The following LAMB1 variants were observed in gnomAD, a reference collection of about 807,000 sequenced individuals.
LAMB1 encodes laminin subunit beta-1.
Under a neutral mutation model 222.3 loss-of-function variants are expected in LAMB1, and 121 were observed. That is an observed-to-expected ratio of 0.54 (90% CI 0.47 to 0.63). The LOEUF (loss-of-function observed/expected upper bound fraction) is 0.63, where lower values mean the gene tolerates loss of function less well. LAMB1 is among the 30% of genes least tolerant of loss of function. The pLI is 0.00. For synonymous variants in LAMB1, 794 were observed against 807.2 expected (o/e 0.98, Z 0.28); for missense variants, 2,172 against 2,240.8 (o/e 0.97, Z 0.62).
At chr7:107,985,000 AAAG>A (rs2150445749) in intron 7 of LAMB1, among the ~76,000 whole-genome samples, 1 of 152,320 alleles carries the variant, frequency 6.6e-6, no homozygotes, top group Admixed American at 6.5e-5. Flanking sequence ...TGTAAGAGAG[AAAG>A]AAACTTTCAC....
At position 107,964,964 on chromosome 7, in the gene LAMB1, A is replaced by G. The variant is rs114072767; in HGVS notation, c.1563-277T>C. Among the ~76,000 whole-genome samples, 1,640 of 152,160 alleles carry G rather than the reference A, an allele frequency of 0.011. 26 individuals carry two copies. Among genetic ancestry groups the G allele is most frequent in the African/African-American group, 0.038 (1,571 of 41,504 alleles). ...TCACATGAAGGTTTTCCACATCCCA[A>G]ACCTTCTTGCTTTGGCATGTTACAT... On this transcript the variant is annotated intron_variant, in intron 13 of 33. Coordinates refer to ENST00000222399, the MANE Select transcript of LAMB1 (RefSeq NM_002291.3).
chr7:108,002,498 G>C (rs979315140), intron 2 of LAMB1: 22 of 1,162,380 alleles, frequency 1.9e-5, no homozygotes, highest in Non-Finnish European at 2.4e-5. Context: ...ATGGATTTTT[G>C]GAGAGCCCTC....
chr7:107,975,623 T>A, intron 10 of LAMB1, 66 bp downstream of exon 10: 3 of 1,461,342 alleles, frequency 2.1e-6, no homozygotes, highest in Non-Finnish European at 2.8e-6. Context: ...CTGAGACTAC[T>A]GACTATTCAG....
chr7:107,981,221 C>A (rs544441307), intron 7 of LAMB1, among the ~76,000 whole-genome samples: 2 of 151,932 alleles, frequency 1.3e-5, no homozygotes, highest in Non-Finnish European at 2.9e-5. Flanking sequence ...CCGAGGTGGG[C>A]GGATCACCTG....
chr7:107,981,940 C>T (rs1375550988), intron 7 of LAMB1, among the ~76,000 whole-genome samples: 1 of 152,188 alleles, frequency 6.6e-6, no homozygotes, highest in Non-Finnish European at 1.5e-5. Flanking sequence ...ACATTTTGGT[C>T]CACAACTTTT....
chr7:107,976,360 CCCA>C (rs1411920346), intron 9 of LAMB1, among the ~76,000 whole-genome samples: 2 of 152,158 alleles, frequency 1.3e-5, no homozygotes, highest in East Asian at 1.9e-4. Flanking sequence ...TTCCCATATT[CCCA>C]CCACCACACC....
chr7:107,964,386 A>G (rs2033581393), intron 14 of LAMB1, among the ~76,000 whole-genome samples, 166 bp downstream of exon 14: 2 of 152,246 alleles, frequency 1.3e-5, no homozygotes, highest in African/African-American at 4.8e-5. Context: ...AGAATTACTT[A>G]GCTTTAAATA....
chr7:107,955,961 G>A (rs879133011), intron 20 of LAMB1, among the ~76,000 whole-genome samples: 5 of 152,108 alleles, frequency 3.3e-5, no homozygotes, highest in Non-Finnish European at 1.5e-5. Flanking sequence ...GCAGTGGCAC[G>A]ATCTCAGCAC....
intron 13 of LAMB1, among the ~76,000 whole-genome samples, chr7:107,968,945 A>C (rs926351398): frequency 6.6e-6 from 1 of 152,212 alleles, no homozygotes. Flanking sequence ...GAAAACTGAT[A>C]CAGGCTCTAT....
At chr7:107,998,084 A>G (rs1401957345) in intron 4 of LAMB1, among the ~76,000 whole-genome samples, 1 of 152,198 alleles carries the variant, frequency 6.6e-6, no homozygotes, top group Non-Finnish European at 1.5e-5. Context: ...CCCCCGGCAC[A>G]CAAGTATTCT....
Position 107,935,515 on chromosome 7 carries a change from C to A in LAMB1, c.4088G>T (p.Arg1363Leu). Residue 1363 changes from arginine to leucine, a missense_variant, in exon 27 of 34, where the codon CGA becomes CTA. By Grantham distance (102) the Arg-to-Leu change is moderately radical. Coordinates refer to ENST00000222399, the MANE Select transcript of LAMB1 (RefSeq NM_002291.3). ...RDRVEDVMME[R>L]ESQFKEKQEE... is the part of the protein sequence containing the mutation. ...TTGTTTTTCCTTGAACTGGGATTCT[C>A]GCTCCATCATCACGTCTTCTACTCT... 1 of 1,613,940 alleles carries A rather than the reference C, an allele frequency of 6.2e-7. No individual in the cohort carries two copies. The highest frequency in any genetic ancestry group is 1.1e-5 in the South Asian group (1 of 91,066).
intron 24 of LAMB1, among the ~76,000 whole-genome samples, chr7:107,946,171 AC>A (rs746368199): frequency 6.6e-5 from 10 of 152,078 alleles, no homozygotes; most frequent in Non-Finnish European, 1.2e-4. Context: ...GCAACGTGGG[AC>A]TCCAGGATCT....
At chr7:107,992,804 A>G (rs2034210073) in intron 5 of LAMB1, among the ~76,000 whole-genome samples, 1 of 152,202 alleles carries the variant, frequency 6.6e-6, no homozygotes, top group Non-Finnish European at 1.5e-5. Flanking sequence ...CTGAGGCAGG[A>G]GAATTGCTTA....
intron 5 of LAMB1, among the ~76,000 whole-genome samples, chr7:107,993,639 A>T (rs896139761): frequency 2.6e-5 from 4 of 152,260 alleles, no homozygotes; most frequent in African/African-American, 9.6e-5. Flanking sequence ...AGGAAAAAAT[A>T]GGATCATAAA....
Position 107,937,150 on chromosome 7 carries a change from TGTC to T in LAMB1, c.3886_3888del (p.Asp1296del), listed in dbSNP as rs1159108591. ...TGTTCAGCAAGTTCTTTCACAGTGT[TGTC>T]TAGGCTTTCGGCTTCTGTCTGTAGA... On this transcript the variant is annotated inframe_deletion, in exon 26 of 34. Coordinates refer to ENST00000222399, the MANE Select transcript of LAMB1 (RefSeq NM_002291.3). 5 of 1,614,060 alleles carry T rather than the reference TGTC, an allele frequency of 3.1e-6. No homozygotes were observed. In the African/African-American group the frequency reaches 6.7e-5, roughly 22 times the overall value.
intron 5 of LAMB1, among the ~76,000 whole-genome samples, chr7:107,993,356 A>T (rs1199648069): frequency 6.6e-6 from 1 of 150,536 alleles, no homozygotes; most frequent in Non-Finnish European, 1.5e-5. Context: ...CTGGTCTTGA[A>T]CTCCTGACCT....
chr7:107,988,288 C>A (rs377616738), intron 5 of LAMB1, among the ~76,000 whole-genome samples: 4 of 152,114 alleles, frequency 2.6e-5, no homozygotes, highest in Non-Finnish European at 4.4e-5. Flanking sequence ...TGGTTGTAGG[C>A]TAATTAGTCA....
rs2034419587 is a variant in LAMB1, at chr7:108,002,951, C to T, written c.-66G>A. 3 of 1,608,726 alleles carry T rather than the reference C, an allele frequency of 1.9e-6. No individual in the cohort carries two copies. The highest frequency in any genetic ancestry group is 1.7e-6 in the Non-Finnish European group (2 of 1,178,608). On this transcript the variant is annotated 5_prime_UTR_variant, in exon 2 of 34. Transcript: ENST00000222399. ...AGAAGACGCCCGCCGAGCCGCCTGC[C>T]CTTTCTTCCCGTCTTCCTTTCTGGA... is the stretch of plus-strand genomic sequence containing the variant.
chr7:107,945,885 G>A (rs2033104887), intron 24 of LAMB1, among the ~76,000 whole-genome samples: 1 of 152,122 alleles, frequency 6.6e-6, no homozygotes, highest in African/African-American at 2.4e-5. Context: ...TACTGATCTT[G>A]CCCTCTTCTG....
Sources: gnomAD v4.1 joint callset for allele counts (sites outside exome capture counted in the v4.1 genomes callset) on GRCh38, gnomAD v4.1.1 for gene constraint, MANE v1.5 for transcripts, NCBI Gene and HGNC (gene_info 2026-07-23, HGNC 2026-07-21) for gene names.